PTPN9: variants seen among roughly 807,000 people sequenced by gnomAD.
PTPN9 encodes tyrosine-protein phosphatase non-receptor type 9.
In PTPN9, 26 loss-of-function variants were observed where a neutral mutation model predicts 69.8. The observed-to-expected ratio is 0.37, with a 90% CI of 0.27 to 0.52. PTPN9 has a LOEUF of 0.52. Ranked by LOEUF, PTPN9 falls within the 20% of genes least tolerant of loss-of-function variation. The pLI is 0.91. For missense variants in PTPN9, 549 were observed against 740.3 expected (o/e 0.74, Z 3.00); for synonymous variants, 274 against 272.5 (o/e 1.01, Z -0.05).
chr15:75,503,854 GA>G (rs1266717236), intron 7 of PTPN9, among the ~76,000 whole-genome samples: 1 of 109,128 alleles, frequency 9.2e-6, no homozygotes, highest in African/African-American at 3.4e-5. Flanking sequence ...GGAGGGAGGT[GA>G]GGGGGGGTCA....
chr15:75,483,524 T>C (rs1387557469), intron 8 of PTPN9, among the ~76,000 whole-genome samples: 1 of 152,146 alleles, frequency 6.6e-6, no homozygotes, highest in African/African-American at 2.4e-5. Context: ...TCTATGGAGA[T>C]AGGAAATAAA....
At chr15:75,519,257 C>T (rs904380039) in intron 4 of PTPN9, among the ~76,000 whole-genome samples, 41 of 152,252 alleles carry the variant, frequency 2.7e-4, no homozygotes, top group African/African-American at 7.7e-4. Context: ...TACAGGTGCC[C>T]ACCACCACAC....
At chr15:75,555,945 T>C (rs1297826135) in intron 1 of PTPN9, among the ~76,000 whole-genome samples, 1 of 145,208 alleles carries the variant, frequency 6.9e-6, no homozygotes, top group African/African-American at 2.6e-5. Context: ...GGCAGGATGA[T>C]CCCTTGAGCC....
At chr15:75,502,092 GGAAAAGAAAAGGATAAAA>G (rs1443100116) in intron 7 of PTPN9, among the ~76,000 whole-genome samples, 2 of 151,264 alleles carry the variant, frequency 1.3e-5, no homozygotes, top group Non-Finnish European at 2.9e-5. Flanking sequence ...AGGAATTTGA[GGAAAAGAAAAGGATAAAA>G]GAAAAGAAAA....
chr15:75,570,239 CTTCT>C (rs2075143174), intron 1 of PTPN9: 1 of 152,128 alleles, frequency 6.6e-6, no homozygotes, highest in Non-Finnish European at 1.5e-5. Context: ...CCTTTCCTTC[CTTCT>C]TTGTCTCTGT....
chr15:75,500,336 A>AACAT (rs1239267384), intron 7 of PTPN9, among the ~76,000 whole-genome samples: 7 of 142,190 alleles, frequency 4.9e-5, no homozygotes, highest in Non-Finnish European at 7.7e-5. Flanking sequence ...TAAATAAACA[A>AACAT]ACATACATAC....
At chr15:75,485,917 G>A (rs1485431324) in intron 8 of PTPN9, among the ~76,000 whole-genome samples, 8 of 150,996 alleles carry the variant, frequency 5.3e-5, no homozygotes, top group Admixed American at 5.3e-4. Flanking sequence ...TGGCTAACAA[G>A]GTGAAACCCC....
chr15:75,505,780 A>G lies in PTPN9; in HGVS notation c.863T>C (p.Ile288Thr). ...VHVPGPHAMT[I>T]QELVDYVNAR... ...ATTAACATAGTCCACCAACTCTTGG[A>G]TGGTCATAGCATGGGGACCTGGAAC... The change falls in exon 7 of 13, where the codon ATC becomes ACC. Residue 288 changes from isoleucine to threonine, a missense_variant. Coordinates refer to ENST00000618819, the MANE Select transcript of PTPN9 (RefSeq NM_002833.4). 6.2e-7 allele frequency: 1 copy of G among 1,614,080 alleles called. No homozygotes were observed. Among genetic ancestry groups the G allele is most frequent in the Non-Finnish European group, 8.5e-7 (1 of 1,179,964 alleles).
At chr15:75,518,232 G>C (rs2141317691) in intron 4 of PTPN9, among the ~76,000 whole-genome samples, 1 of 152,166 alleles carries the variant, frequency 6.6e-6, no homozygotes, top group East Asian at 1.9e-4. Flanking sequence ...TCAGCTACTT[G>C]GGAGGCTCAG....
At chr15:75,551,185 T>G (rs2075055315) in intron 1 of PTPN9, among the ~76,000 whole-genome samples, 1 of 152,180 alleles carries the variant, frequency 6.6e-6, no homozygotes, top group African/African-American at 2.4e-5. Context: ...TCCTCCTGCC[T>G]CAGGCTCCAG....
intron 1 of PTPN9, among the ~76,000 whole-genome samples, chr15:75,577,496 A>AT (rs1366887764): frequency 6.6e-6 from 1 of 152,132 alleles, no homozygotes; most frequent in Non-Finnish European, 1.5e-5. Context: ...TTCTTTTTAA[A>AT]TTTTTTTCCC....
chr15:75,468,920 A>G lies in PTPN9; in HGVS notation c.1631T>C (p.Phe544Ser). Residue 544 changes from phenylalanine (F) to serine (S), a missense_variant, in exon 13 of 13, where the codon TTC becomes TCC. By Grantham distance (155) the Phe-to-Ser change is radical. Coordinates refer to ENST00000618819, the MANE Select transcript of PTPN9 (RefSeq NM_002833.4). The stretch of plus-strand genomic sequence containing the variant: ...GGTCCTCATGCGTGACACCGTCTGG[A>G]ACACATTAAGGGTGCCAAGCTCCTC... ...QLEELGTLNV[F>S]QTVSRMRTQR... is the part of the protein sequence containing the mutation. 1 of 1,614,174 alleles carries G rather than the reference A, an allele frequency of 6.2e-7. No individual in the cohort carries two copies. The highest frequency in any genetic ancestry group is 1.1e-5 in the South Asian group (1 of 91,084).
At chr15:75,508,512 A>G (rs561991436) in intron 6 of PTPN9, among the ~76,000 whole-genome samples, 142 of 152,374 alleles carry the variant, frequency 9.3e-4, no homozygotes, top group African/African-American at 3.1e-3. Context: ...TGATGTTTCC[A>G]GTTGAACAAA....
intron 1 of PTPN9, among the ~76,000 whole-genome samples, chr15:75,530,199 C>CAAAAAAAAAAAAAAAAAAAAA (rs1171614508): frequency 7.1e-5 from 2 of 28,238 alleles, no homozygotes; most frequent in Non-Finnish European, 1.4e-4. Context: ...GACTCCATCT[C>CAAAAAAAAAAAAAAAAAAAAA]AAAAAAAAAA....
intron 4 of PTPN9, among the ~76,000 whole-genome samples, chr15:75,521,912 C>T (rs1052914407): frequency 6.6e-6 from 1 of 152,086 alleles, no homozygotes; most frequent in Non-Finnish European, 1.5e-5. Flanking sequence ...ATCATGTTGC[C>T]CAGGGCTGGT....
At chr15:75,476,320 T>C (rs549897970) in intron 9 of PTPN9, among the ~76,000 whole-genome samples, 2 of 152,180 alleles carry the variant, frequency 1.3e-5, no homozygotes, top group Admixed American at 6.5e-5. Context: ...AAAAGTTTAG[T>C]TTTGTTTTTT....
At chr15:75,529,913 GA>G (rs1378464002) in intron 1 of PTPN9, among the ~76,000 whole-genome samples, 4 of 140,134 alleles carry the variant, frequency 2.9e-5, no homozygotes, top group South Asian at 4.5e-4. Flanking sequence ...CTGTTTCAAA[GA>G]AAAAAAAAAT....
Position 75,563,902 on chromosome 15 carries a change from G to T in PTPN9, c.63+14812C>A, listed in dbSNP as rs577299125. Among the ~76,000 whole-genome samples the T allele has an allele frequency of 2.1e-3, 324 of 152,010 alleles. 2 individuals carry two copies. Among genetic ancestry groups the T allele is most frequent in the African/African-American group, 7.3e-3 (302 of 41,468 alleles). ...GTTTGAATGAACAAACTATATTTCT[G>T]CTTATGATCTAAAAAAAATCCTCAG... On this transcript the variant is annotated intron_variant, in intron 1 of 12. Transcript: ENST00000618819.
At chr15:75,483,948 T>C (rs761675301) in intron 8 of PTPN9, among the ~76,000 whole-genome samples, 31 of 152,202 alleles carry the variant, frequency 2.0e-4, no homozygotes, top group Non-Finnish European at 4.0e-4. Context: ...TGACCAATCG[T>C]TACCTCCTCC....
Sources: allele counts gnomAD v4.1 joint callset (sites outside exome capture counted in the v4.1 genomes callset), GRCh38; gene constraint gnomAD v4.1.1; transcripts MANE v1.5; gene names NCBI Gene and HGNC (gene_info 2026-07-23, HGNC 2026-07-21).